The following EYS variants were observed in gnomAD, a reference collection of about 807,000 sequenced individuals.
EYS encodes the protein protein eyes shut homolog.
EYS carries 250 observed loss-of-function variants against 282.1 expected under a neutral mutation model. The ratio of observed to expected loss-of-function variants is 0.89; its 90% confidence interval spans 0.80 to 0.98. EYS has a LOEUF of 0.98. EYS is among the 50% of genes least tolerant of loss of function. The pLI is 0.00. For synonymous variants in EYS, 1,355 were observed against 1,282.9 expected (o/e 1.06, Z -1.20); for missense variants, 4,016 against 3,709.0 (o/e 1.08, Z -2.15).
At chr6:63,941,611 A>T (rs546010053) in intron 35 of EYS, among the ~76,000 whole-genome samples, 20 of 152,268 alleles carry the variant, frequency 1.3e-4, no homozygotes, top group African/African-American at 4.8e-4. Flanking sequence ...TAATTCAGAT[A>T]AGTGCCCTAT....
intron 12 of EYS, among the ~76,000 whole-genome samples, chr6:65,112,535 G>C (rs1775242246): frequency 6.6e-6 from 1 of 152,080 alleles, no homozygotes; most frequent in Non-Finnish European, 1.5e-5. Flanking sequence ...ATAGGAAAAA[G>C]ATCTACATAG....
intron 11 of EYS, among the ~76,000 whole-genome samples, chr6:65,328,393 A>T (rs1346774102): frequency 6.6e-6 from 1 of 151,450 alleles, no homozygotes; most frequent in Non-Finnish European, 1.5e-5. Context: ...AATTCAAATA[A>T]ATTGTAATAT....
chr6:64,593,300 T>A lies in EYS; in HGVS notation c.3694A>T (p.Ile1232Phe), dbSNP rs190009374. The change falls in exon 25 of 43, where the codon ATT becomes TTT. Residue 1232 changes from isoleucine (I) to phenylalanine (F), a missense_variant. Transcript: ENST00000503581. ...LCTPGFMTCS[I>F]GLLCGDEIRR... Reference sequence around the variant, plus strand: ...ATTTCATCACCACAAAGAAGCCCAATGGAGCAGGTCTGCAAATGACAATTA... The same window carrying A: ...ATTTCATCACCACAAAGAAGCCCAAAGGAGCAGGTCTGCAAATGACAATTA... The A allele has an allele frequency of 1.3e-4, 204 of 1,549,610 alleles. No homozygotes were observed. In the African/African-American group the frequency reaches 2.6e-3, roughly 19 times the overall value.
At chr6:64,462,387 C>T (rs1775777543) in intron 26 of EYS, among the ~76,000 whole-genome samples, 1 of 152,090 alleles carries the variant, frequency 6.6e-6, no homozygotes, top group African/African-American at 2.4e-5. Context: ...TCTCACTGGG[C>T]TCAGTGGGTT....
At chr6:64,207,491 A>G (rs1217639368) in intron 31 of EYS, among the ~76,000 whole-genome samples, 5 of 152,150 alleles carry the variant, frequency 3.3e-5, no homozygotes, top group African/African-American at 9.7e-5. Context: ...ATAGCTTGTT[A>G]TAATAGGGAA....
chr6:65,080,923 A>G (rs1009636814), intron 12 of EYS, among the ~76,000 whole-genome samples: 1 of 152,050 alleles, frequency 6.6e-6, no homozygotes, highest in African/African-American at 2.4e-5. Flanking sequence ...ATCTTTATCT[A>G]TGTTTAAAAA....
chr6:64,009,285 A>C, intron 33 of EYS, among the ~76,000 whole-genome samples: 1 of 139,606 alleles, frequency 7.2e-6, no homozygotes, highest in African/African-American at 2.6e-5. Flanking sequence ...GAAATTCTCG[A>C]TTTTTTTTTT....
At chr6:64,048,819 AC>A (rs1047154695) in intron 33 of EYS, among the ~76,000 whole-genome samples, 1 of 151,820 alleles carries the variant, frequency 6.6e-6, no homozygotes, top group African/African-American at 2.4e-5. Context: ...TTTTCCACCC[AC>A]CGTGACCTGT....
At chr6:65,273,328 C>CA (rs1767954086) in intron 12 of EYS, among the ~76,000 whole-genome samples, 1 of 152,106 alleles carries the variant, frequency 6.6e-6, no homozygotes, top group Non-Finnish European at 1.5e-5. Flanking sequence ...CAAGTGACTC[C>CA]ACAGCCTTTT....
chr6:64,400,179 T>G (rs911117593), intron 28 of EYS: 1 of 152,052 alleles, frequency 6.6e-6, no homozygotes, highest in African/African-American at 2.4e-5. Context: ...TTCTATTCAT[T>G]GTCACAGAAG....
intron 8 of EYS, among the ~76,000 whole-genome samples, chr6:65,374,438 C>T (rs1030394064): frequency 1.1e-4 from 17 of 151,998 alleles, no homozygotes; most frequent in African/African-American, 2.9e-4. Context: ...CTACATTCCC[C>T]GGGCCCTGGG....
chr6:64,686,087 T>C (rs1215512275), intron 22 of EYS, among the ~76,000 whole-genome samples: 2 of 149,126 alleles, frequency 1.3e-5, no homozygotes, highest in Admixed American at 6.7e-5. Context: ...AGAAAATACT[T>C]TTAACATTAA....
chr6:65,097,729 C>A (rs1774779647), intron 12 of EYS, among the ~76,000 whole-genome samples: 4 of 150,230 alleles, frequency 2.7e-5, no homozygotes, highest in Admixed American at 2.0e-4. Context: ...GGACATTATG[C>A]TAAGCAAAAA....
rs71551553 is a variant in EYS at position 64,000,168 on chromosome 6, CTTTTTTTTTTTTTTTT to C, written c.6726-1001_6726-986del. Among the ~76,000 whole-genome samples, 182 of 42,636 alleles carry C rather than the reference CTTTTTTTTTTTTTTTT, an allele frequency of 4.3e-3. 1 individual carries two copies. Among genetic ancestry groups the C allele is most frequent in the African/African-American group, 0.014 (161 of 11,318 alleles). 28.0% of individuals were successfully genotyped at this position (42,636 alleles called of 152,430 possible). On this transcript the variant is annotated intron_variant, in intron 33 of 42. Transcript: ENST00000503581. ...CTGAGGAGTTTCCCAAGACATGGGA[CTTTTTTTTTTTTTTTT>C]TTTTTTTTTTTTTTTTTTTTTTTTT...
chr6:63,782,914 C>T (rs953578843), intron 39 of EYS, among the ~76,000 whole-genome samples: 3 of 149,204 alleles, frequency 2.0e-5, no homozygotes, highest in African/African-American at 7.4e-5. Flanking sequence ...GACTAGGTAC[C>T]AAATAAGTAA....
At chr6:64,594,964 C>T (rs552039526) in intron 24 of EYS, among the ~76,000 whole-genome samples, 1 of 152,024 alleles carries the variant, frequency 6.6e-6, no homozygotes, top group African/African-American at 2.4e-5. Flanking sequence ...GCCAGCATTA[C>T]CCTGACACCA....
chr6:65,537,964 C>G (rs1333290218), intron 2 of EYS, among the ~76,000 whole-genome samples: 1 of 152,174 alleles, frequency 6.6e-6, no homozygotes, highest in Non-Finnish European at 1.5e-5. Context: ...GAGTCTGAAT[C>G]TGAATTTCCT....
intron 13 of EYS, among the ~76,000 whole-genome samples, chr6:65,008,444 T>G (rs2144711): frequency 6.6e-6 from 1 of 151,834 alleles, no homozygotes; most frequent in African/African-American, 2.4e-5. Context: ...GAGGAGCAGG[T>G]GGAACAGGAC....
chr6:64,082,822 A>G (rs996822993), intron 31 of EYS, among the ~76,000 whole-genome samples: 1 of 152,144 alleles, frequency 6.6e-6, no homozygotes, highest in African/African-American at 2.4e-5. Context: ...CTATTAAAAT[A>G]TAATTGGTAC....
Sources: gnomAD v4.1 joint callset for allele counts (sites outside exome capture counted in the v4.1 genomes callset) on GRCh38, gnomAD v4.1.1 for gene constraint, MANE v1.5 for transcripts, NCBI Gene and HGNC (gene_info 2026-07-23, HGNC 2026-07-21) for gene names.